Variants in COX16 observed in about 807,000 individuals in gnomAD.
COX16 encodes the protein cytochrome c oxidase assembly protein COX16 homolog, mitochondrial.
COX16 carries 12 observed loss-of-function variants against 15.4 expected under a neutral mutation model. The ratio of observed to expected loss-of-function variants is 0.78; its 90% CI spans 0.50 to 1.26. The LOEUF is 1.26. Among genes scored for constraint, COX16 ranks in the 50% most tolerant of loss-of-function variants. The pLI is 0.00. For missense variants in COX16, 124 were observed against 127.6 expected, an observed-to-expected ratio of 0.97 and a Z score of 0.14; for synonymous variants, 46 against 41.1, an observed-to-expected ratio of 1.12 and a Z score of -0.46.
chr14:70,342,740 G>C lies in COX16; in HGVS notation c.70-11C>G. 1 of 1,609,694 alleles carries C rather than the reference G, an allele frequency of 6.2e-7. No individual in the cohort carries two copies. The highest frequency in any genetic ancestry group is 2.2e-5 in the East Asian group (1 of 44,696). ...TCCAACAATCAGCAACTAAAACAAA[G>C]AAAGGAAACATTTAAGCAAAACAGA... On this transcript the variant is annotated splice_polypyrimidine_tract_variant and intron_variant, in intron 1 of 3. Transcript: ENST00000389912.
At chr14:70,350,358 G>A (rs1008918185) in intron 1 of COX16, among the ~76,000 whole-genome samples, 5 of 152,080 alleles carry the variant, frequency 3.3e-5, no homozygotes, top group African/African-American at 9.7e-5. Flanking sequence ...CTCACTTGGG[G>A]TTGACGCCAT....
At chr14:70,356,596 G>A (rs1379106097) in intron 1 of COX16, among the ~76,000 whole-genome samples, 1 of 152,104 alleles carries the variant, frequency 6.6e-6, no homozygotes, top group Non-Finnish European at 1.5e-5. Context: ...CAAAGATGAC[G>A]AAGACCTCAA....
In COX16 at chr14:70,329,176, C is replaced by G; in HGVS notation, c.202G>C (p.Glu68Gln). The G allele has an allele frequency of 6.4e-7, 1 of 1,568,304 alleles. No homozygotes were observed. Among genetic ancestry groups the G allele is most frequent in the South Asian group, 1.1e-5 (1 of 89,586 alleles). ...GAGACTATATTAACATACCGTACCT[C>G]ATATTCCGACTCTAAAGATATTTTA... is the stretch of plus-strand genomic sequence containing the variant. ...ENKISLESEY[E>Q]KIKDSKFDDW... The change falls in exon 3 of 4, where the codon GAG becomes CAG. Residue 68 changes from glutamate to glutamine, a missense_variant and splice_region_variant. By Grantham distance (29) the Glu-to-Gln change is conservative. Transcript: ENST00000389912.
chr14:70,332,456 A>G (rs1386645445), intron 2 of COX16, among the ~76,000 whole-genome samples: 1 of 151,960 alleles, frequency 6.6e-6, no homozygotes, highest in Non-Finnish European at 1.5e-5. Context: ...AGCCAACAAG[A>G]TCCAGCTCTC....
intron 1 of COX16, among the ~76,000 whole-genome samples, chr14:70,357,669 G>T (rs906995433): frequency 6.6e-6 from 1 of 152,154 alleles, no homozygotes; most frequent in African/African-American, 2.4e-5. Context: ...AGTCGTTAGG[G>T]AAATGAAAAT....
At chr14:70,346,534 C>T (rs1323870639) in intron 1 of COX16, among the ~76,000 whole-genome samples, 1 of 152,234 alleles carries the variant, frequency 6.6e-6, no homozygotes, top group African/African-American at 2.4e-5. Flanking sequence ...GGCCCCATCA[C>T]TTCCTAAGCC....
intron 1 of COX16, among the ~76,000 whole-genome samples, chr14:70,346,965 T>C (rs1298549612): frequency 6.6e-6 from 1 of 152,112 alleles, no homozygotes; most frequent in East Asian, 1.9e-4. Flanking sequence ...AACTTTCTTC[T>C]ACTCCTCCAA....
intron 1 of COX16, among the ~76,000 whole-genome samples, chr14:70,358,601 G>A (rs1887205325): frequency 6.6e-6 from 1 of 151,928 alleles, no homozygotes; most frequent in Non-Finnish European, 1.5e-5. Context: ...ACCTTTCTAA[G>A]ATCACTTCTT....
intron 2 of COX16, among the ~76,000 whole-genome samples, chr14:70,332,784 T>A (rs190771860): frequency 6.6e-6 from 1 of 152,212 alleles, no homozygotes; most frequent in Admixed American, 6.5e-5. Flanking sequence ...CAGTCTCAAC[T>A]CCAGTCCCTT....
At chr14:70,345,021 C>T (rs540702776) in intron 1 of COX16, among the ~76,000 whole-genome samples, 13 of 152,038 alleles carry the variant, frequency 8.6e-5, no homozygotes, top group South Asian at 6.2e-4. Flanking sequence ...GGGTTCCAAC[C>T]GATACAAGAA....
rs1886860544 is a variant in COX16 at position 70,348,885 on chromosome 14, C to T, written c.70-6156G>A. ...CAAACCCGGGACAATCCTATATCGG[C>T]TGGAAATGCGCTAGCAGATCAGGTA... On this transcript the variant is annotated intron_variant, in intron 1 of 3. Transcript: ENST00000389912. Among the ~76,000 whole-genome samples, 3 of 152,162 alleles carry T rather than the reference C, an allele frequency of 2.0e-5. No homozygotes were observed. The South Asian group carries it at 6.2e-4, about 32-fold the overall frequency.
chr14:70,325,097 T>G lies in COX16; in HGVS notation c.*1236A>C, dbSNP rs1886024987. On this transcript the variant is annotated 3_prime_UTR_variant, in exon 4 of 4. Coordinates refer to ENST00000389912, the MANE Select transcript of COX16 (RefSeq NM_016468.7). ...ACTAGATAATCAACTTAATTTACTTTTTATTAAAACCAACCTGCTGAAAAG... is the reference window on the plus strand; with the variant it reads ...ACTAGATAATCAACTTAATTTACTTGTTATTAAAACCAACCTGCTGAAAAG... 2 of 152,194 alleles carry G rather than the reference T, an allele frequency of 1.3e-5. No homozygotes were observed. Among genetic ancestry groups the G allele is most frequent in the Non-Finnish European group, 2.9e-5 (2 of 68,042 alleles). 9.4% of individuals were successfully genotyped at this position (152,194 alleles called of 1,614,324 possible). A position where few individuals can be genotyped will look rare whatever the true frequency, so the allele number is the denominator to read the frequency against.
intron 2 of COX16, among the ~76,000 whole-genome samples, chr14:70,334,321 A>G (rs1338519036): frequency 6.6e-6 from 1 of 152,104 alleles, no homozygotes; most frequent in East Asian, 1.9e-4. Flanking sequence ...TCAGGAGTTC[A>G]AGACCAGCCT....
At chr14:70,345,074 G>A (rs183076552) in intron 1 of COX16, among the ~76,000 whole-genome samples, 2 of 152,214 alleles carry the variant, frequency 1.3e-5, no homozygotes, top group Admixed American at 6.5e-5. Flanking sequence ...TCTGGTCCAC[G>A]TCCCCTGTGA....
intron 1 of COX16, among the ~76,000 whole-genome samples, chr14:70,350,669 T>A (rs1014436637): frequency 2.0e-5 from 3 of 152,234 alleles, no homozygotes; most frequent in East Asian, 1.9e-4. Flanking sequence ...ACTATACGTG[T>A]TTAGTAGAAT....
At chr14:70,337,660 CCT>C (rs1278216806) in intron 2 of COX16, among the ~76,000 whole-genome samples, 37 of 151,698 alleles carry the variant, frequency 2.4e-4, no homozygotes, top group Non-Finnish European at 5.4e-4. Flanking sequence ...TGGAGACAGG[CCT>C]TTTAAGTAAC....
intron 1 of COX16, among the ~76,000 whole-genome samples, chr14:70,349,273 G>A (rs1346789854): frequency 6.6e-6 from 1 of 152,144 alleles, no homozygotes; most frequent in Non-Finnish European, 1.5e-5. Flanking sequence ...CCAAGCCCGG[G>A]GCCAGATACC....
chr14:70,339,270 A>G (rs964098575), intron 2 of COX16, among the ~76,000 whole-genome samples: 8 of 152,212 alleles, frequency 5.3e-5, no homozygotes, highest in Admixed American at 3.9e-4. Context: ...AAACAGCAAC[A>G]GCCACTAGGG....
intron 2 of COX16, 80 bp downstream of exon 2, chr14:70,342,578 A>G (rs1566601835): frequency 7.4e-7 from 1 of 1,354,792 alleles, no homozygotes; most frequent in Non-Finnish European, 1.0e-6. Flanking sequence ...CAGACTACTT[A>G]GTATACTGAG....
Sources: allele counts gnomAD v4.1 joint callset (sites outside exome capture counted in the v4.1 genomes callset), GRCh38; gene constraint gnomAD v4.1.1; transcripts MANE v1.5; gene names NCBI Gene and HGNC (gene_info 2026-07-23, HGNC 2026-07-21).